CAMTA1: variants seen among roughly 807,000 people sequenced by gnomAD.
The protein encoded by CAMTA1 is calmodulin-binding transcription activator 1.
Under a neutral mutation model 170.9 loss-of-function variants are expected in CAMTA1, and 27 were observed. The observed-to-expected ratio is 0.16, with a 90% CI of 0.12 to 0.22. CAMTA1 has a LOEUF of 0.22. Ranked by LOEUF, CAMTA1 falls within the 10% of genes least tolerant of loss-of-function variation. The probability of loss-of-function intolerance (pLI) is 1.00; values close to 1 mark genes in which losing one functional copy is unlikely to be tolerated. For synonymous variants in CAMTA1, 833 were observed against 891.5 expected (o/e 0.93, Z 1.17); for missense variants, 1,619 against 2,217.2 (o/e 0.73, Z 5.42).
chr1:7,657,954 C>T (rs1396285682), intron 7 of CAMTA1, among the ~76,000 whole-genome samples: 1 of 152,186 alleles, frequency 6.6e-6, no homozygotes, highest in African/African-American at 2.4e-5. Context: ...GCTGCCGCAC[C>T]CCCATCAGGA....
intron 4 of CAMTA1, among the ~76,000 whole-genome samples, chr1:7,226,299 T>G: frequency 6.6e-6 from 1 of 152,052 alleles, no homozygotes; most frequent in East Asian, 1.9e-4. Context: ...AATCATCTGC[T>G]TGTTATTTGT....
intron 3 of CAMTA1, among the ~76,000 whole-genome samples, chr1:6,844,690 C>CAAAAAA (rs1180942073): frequency 1.9e-5 from 1 of 52,064 alleles, no homozygotes; most frequent in Non-Finnish European, 3.4e-5. Context: ...ACCCTGTGTC[C>CAAAAAA]AAAAAAAAAA....
chr1:7,649,360 C>A (rs1377247788), intron 7 of CAMTA1, among the ~76,000 whole-genome samples: 1 of 152,184 alleles, frequency 6.6e-6, no homozygotes, highest in South Asian at 2.1e-4. Flanking sequence ...GCAGCGATAG[C>A]GCTGGGGGTT....
At chr1:7,059,980 C>A (rs1038902768) in intron 3 of CAMTA1, among the ~76,000 whole-genome samples, 2 of 152,166 alleles carry the variant, frequency 1.3e-5, no homozygotes, top group African/African-American at 2.4e-5. Flanking sequence ...AAGTCACCAA[C>A]CCCAGCCTGG....
rs1057300282 is a variant in CAMTA1 at position 7,635,283 on chromosome 1, CAA to C, written c.511-5115_511-5114del. Among the ~76,000 whole-genome samples, 1 of 152,178 alleles carries C rather than the reference CAA, an allele frequency of 6.6e-6. No homozygotes were observed. Among genetic ancestry groups the C allele is most frequent in the Non-Finnish European group, 1.5e-5 (1 of 68,032 alleles). ...AAACATCAGGGCAGCCTGGGCAAGACAAAGGCAGCTTCACTCCACAACTGTCC... is the reference window on the plus strand; with the variant it reads ...AAACATCAGGGCAGCCTGGGCAAGACAGGCAGCTTCACTCCACAACTGTCC... On this transcript the variant is annotated intron_variant, in intron 6 of 22. Coordinates refer to ENST00000303635, the MANE Select transcript of CAMTA1 (RefSeq NM_015215.4). The surrounding 1 kb of genome is among the most constrained non-coding windows in gnomAD (Gnocchi z 4.4).
At position 7,532,784 on chromosome 1, in the gene CAMTA1, C is replaced by G. The variant is rs1175380584; in HGVS notation, c.510+64883C>G. On this transcript the variant is annotated intron_variant, in intron 6 of 22. Coordinates refer to ENST00000303635, the MANE Select transcript of CAMTA1 (RefSeq NM_015215.4). The surrounding 1 kb of genome is among the most constrained non-coding windows in gnomAD (Gnocchi z 4.2). ...TGGATCAAGGGAGATTTAATCCATG[C>G]TGGAGAAGAAGAAAGAAAGGGAAGG... Among the ~76,000 whole-genome samples the G allele has an allele frequency of 6.6e-6, 1 of 152,078 alleles. No homozygotes were observed. Among genetic ancestry groups the G allele is most frequent in the Non-Finnish European group, 1.5e-5 (1 of 68,036 alleles).
At chr1:6,871,927 G>C in intron 3 of CAMTA1, 1 of 1,331,778 alleles carries the variant, frequency 7.5e-7, no homozygotes, top group Non-Finnish European at 9.6e-7. Context: ...GTAACACGCT[G>C]ATTTCCTCAA....
At chr1:7,536,262 G>T (rs2094547639) in intron 6 of CAMTA1, among the ~76,000 whole-genome samples, 1 of 152,210 alleles carries the variant, frequency 6.6e-6, no homozygotes, top group Non-Finnish European at 1.5e-5. Context: ...GATAGTTGGA[G>T]ATTCTCATGC....
chr1:7,027,345 T>C (rs555423011), intron 3 of CAMTA1, among the ~76,000 whole-genome samples: 1 of 152,298 alleles, frequency 6.6e-6, no homozygotes, highest in East Asian at 1.9e-4. Context: ...TTTAAATATC[T>C]GCAATTAAGG....
chr1:7,593,800 A>G (rs934951469), intron 6 of CAMTA1, among the ~76,000 whole-genome samples: 1 of 145,708 alleles, frequency 6.9e-6, no homozygotes, highest in Admixed American at 6.8e-5. Context: ...CCCTAACACT[A>G]GGAGGCCAAG....
At position 6,952,390 on chromosome 1, in the gene CAMTA1, C is replaced by T. The variant is rs1484527748; in HGVS notation, c.234+127180C>T. Among the ~76,000 whole-genome samples the T allele has an allele frequency of 1.7e-4, 24 of 137,470 alleles. 1 individual carries two copies. The highest frequency in any genetic ancestry group is 4.5e-5 in the Non-Finnish European group (3 of 66,046). The allele number at this position is 137,470 out of a possible 152,430, so 90.2% of individuals were successfully genotyped here. A position where few individuals can be genotyped will look rare whatever the true frequency, so the allele number is the denominator to read the frequency against. On this transcript the variant is annotated intron_variant, in intron 3 of 22. Transcript: ENST00000303635. The stretch of plus-strand genomic sequence containing the variant: ...AGCTTGCAGTGAGCCAAGATTGCAC[C>T]ACTGCACTCCAGCCTGGGGGACAGA...
intron 4 of CAMTA1, among the ~76,000 whole-genome samples, chr1:7,187,127 G>A (rs1195002871): frequency 2.0e-5 from 3 of 152,102 alleles, no homozygotes; most frequent in African/African-American, 7.2e-5. Context: ...AGTGGCTGGG[G>A]CACAGGGCAG....
intron 3 of CAMTA1, among the ~76,000 whole-genome samples, chr1:7,058,413 C>T (rs754737341): frequency 6.6e-6 from 1 of 152,180 alleles, no homozygotes; most frequent in Non-Finnish European, 1.5e-5. Context: ...GAGTCGTCAC[C>T]TGGCATCCTT....
chr1:7,520,686 CCTT>C (rs1346939177), intron 6 of CAMTA1, among the ~76,000 whole-genome samples: 1 of 152,100 alleles, frequency 6.6e-6, no homozygotes, highest in Non-Finnish European at 1.5e-5. Flanking sequence ...CGGTGGGGAA[CCTT>C]CTCTCAGCAG....
intron 4 of CAMTA1, among the ~76,000 whole-genome samples, chr1:7,246,200 C>A (rs900875492): frequency 2.0e-5 from 3 of 152,214 alleles, no homozygotes; most frequent in African/African-American, 7.2e-5. Flanking sequence ...CAGCGTGTAT[C>A]CTGCCTGAAC....
At chr1:7,434,578 T>C (rs1442747860) in intron 5 of CAMTA1, among the ~76,000 whole-genome samples, 1 of 152,224 alleles carries the variant, frequency 6.6e-6, no homozygotes, top group African/African-American at 2.4e-5. Context: ...AGACATTGGC[T>C]TGAGCCTTAG....
intron 5 of CAMTA1, among the ~76,000 whole-genome samples, chr1:7,414,711 T>G (rs2149278229): frequency 6.6e-6 from 1 of 152,308 alleles, no homozygotes; most frequent in Admixed American, 6.5e-5. Context: ...AAAAACCAGC[T>G]CCTGGATTCA....
chr1:7,307,331 G>C (rs1675745916), intron 5 of CAMTA1, among the ~76,000 whole-genome samples: 1 of 21,812 alleles, frequency 4.6e-5, no homozygotes, highest in Non-Finnish European at 7.5e-5. Flanking sequence ...TGAGTTCTAG[G>C]ATTTTTTTTT....
At chr1:7,718,421 TTC>T (rs2096627286) in intron 11 of CAMTA1, among the ~76,000 whole-genome samples, 1 of 152,204 alleles carries the variant, frequency 6.6e-6, no homozygotes, top group African/African-American at 2.4e-5. Context: ...ACTTTGTCGT[TTC>T]TGTCTTTGCA....
Sources: allele counts gnomAD v4.1 joint callset (sites outside exome capture counted in the v4.1 genomes callset), GRCh38; gene constraint gnomAD v4.1.1; non-coding constraint Gnocchi (gnomAD v3.1); transcripts MANE v1.5; gene names NCBI Gene and HGNC (gene_info 2026-07-23, HGNC 2026-07-21).